The following CSMD1 variants were observed in gnomAD, a reference collection of about 807,000 sequenced individuals.
CSMD1 encodes the protein CUB and sushi domain-containing protein 1.
In CSMD1, 213 loss-of-function variants were observed where a neutral mutation model predicts 417.5. That is an observed-to-expected ratio of 0.51 (90% CI 0.46 to 0.57). The LOEUF (loss-of-function observed/expected upper bound fraction) is 0.57, where lower values mean the gene tolerates loss of function less well. CSMD1 is among the 20% of genes least tolerant of loss of function. The probability of loss-of-function intolerance (pLI) is 0.00; values close to 1 mark genes in which losing one functional copy is unlikely to be tolerated. For synonymous variants in CSMD1, 2,862 were observed against 1,736.8 expected, an observed-to-expected ratio of 1.65 and a Z score of -16.11; for missense variants, 6,923 against 4,529.7, an observed-to-expected ratio of 1.53 and a Z score of -15.17.
intron 5 of CSMD1, among the ~76,000 whole-genome samples, chr8:3,882,802 T>A (rs1806292562): frequency 6.6e-6 from 1 of 152,206 alleles, no homozygotes; most frequent in Non-Finnish European, 1.5e-5. Flanking sequence ...ACAGTGTCAT[T>A]TACAGAATGT....
At chr8:3,321,655 C>G (rs1468017681) in intron 23 of CSMD1, among the ~76,000 whole-genome samples, 3 of 152,232 alleles carry the variant, frequency 2.0e-5, no homozygotes, top group South Asian at 2.1e-4. Context: ...ATGCATATTA[C>G]TATATTTAAC....
At chr8:3,894,544 A>C (rs1807222893) in intron 5 of CSMD1, among the ~76,000 whole-genome samples, 2 of 152,208 alleles carry the variant, frequency 1.3e-5, no homozygotes, top group South Asian at 2.1e-4. Flanking sequence ...TAGATTCCTC[A>C]AAAGTGTACC....
At chr8:4,941,819 G>C (rs938398347) in intron 1 of CSMD1, among the ~76,000 whole-genome samples, 1 of 152,068 alleles carries the variant, frequency 6.6e-6, no homozygotes, top group African/African-American at 2.4e-5. Flanking sequence ...GGATGGTCTT[G>C]AACTCCTGAG....
At chr8:3,111,399 T>C (rs1816507998) in intron 42 of CSMD1, among the ~76,000 whole-genome samples, 1 of 152,212 alleles carries the variant, frequency 6.6e-6, no homozygotes, top group African/African-American at 2.4e-5. Context: ...TTTTACTGCG[T>C]AATTATTACT....
At chr8:4,211,946 T>C (rs1402534083) in intron 3 of CSMD1, among the ~76,000 whole-genome samples, 1 of 152,164 alleles carries the variant, frequency 6.6e-6, no homozygotes, top group Non-Finnish European at 1.5e-5. Flanking sequence ...TAAAGTCAAC[T>C]GTATTCCTAT....
intron 1 of CSMD1, among the ~76,000 whole-genome samples, chr8:4,662,911 G>C (rs1044665329): frequency 2.0e-5 from 3 of 152,132 alleles, no homozygotes; most frequent in African/African-American, 7.2e-5. Context: ...AAGACAAAAA[G>C]AGAGAAAGAA....
At chr8:3,213,964 C>G (rs10086516) in intron 30 of CSMD1, among the ~76,000 whole-genome samples, 50,674 of 151,364 alleles carry the variant, frequency 0.33, 8,634 homozygotes, top group African/African-American at 0.41. Flanking sequence ...TCCTGCCTCA[C>G]CCTACTGAGT....
chr8:3,953,085 G>A (rs1811698063), intron 5 of CSMD1, among the ~76,000 whole-genome samples: 1 of 151,800 alleles, frequency 6.6e-6, no homozygotes, highest in Non-Finnish European at 1.5e-5. Context: ...ATTTGTAAAG[G>A]AGAAGAAAAT....
chr8:4,591,263 G>T (rs7832831), intron 2 of CSMD1, among the ~76,000 whole-genome samples: 20,502 of 152,224 alleles, frequency 0.13, 1,673 homozygotes, highest in Middle Eastern at 0.22. Flanking sequence ...CCAGGAGGAA[G>T]AGCCAAATGT....
chr8:3,709,708 T>C (rs1361055146), intron 6 of CSMD1, among the ~76,000 whole-genome samples: 3 of 140,288 alleles, frequency 2.1e-5, no homozygotes, highest in Admixed American at 7.3e-5. Context: ...TTTTTTTTTT[T>C]TCCCTGCTTT....
chr8:3,900,369 G>A (rs539615268), intron 5 of CSMD1, among the ~76,000 whole-genome samples: 1 of 151,792 alleles, frequency 6.6e-6, no homozygotes, highest in African/African-American at 2.4e-5. Context: ...CAGCACAGCT[G>A]TGTGACAGTG....
intron 1 of CSMD1, among the ~76,000 whole-genome samples, chr8:4,701,304 C>A (rs1671339273): frequency 7.8e-6 from 1 of 128,750 alleles, no homozygotes; most frequent in Non-Finnish European, 1.6e-5. Context: ...TTTGAGCCAT[C>A]CTTCCTTTGA....
At chr8:4,071,688 G>T (rs1007039487) in intron 3 of CSMD1, among the ~76,000 whole-genome samples, 1 of 152,058 alleles carries the variant, frequency 6.6e-6, no homozygotes, top group Non-Finnish European at 1.5e-5. Context: ...TGTGAATTTG[G>T]TTTATTTTTG....
At chr8:4,454,136 G>T (rs117417264) in intron 2 of CSMD1, among the ~76,000 whole-genome samples, 1 of 151,890 alleles carries the variant, frequency 6.6e-6, no homozygotes, top group Non-Finnish European at 1.5e-5. Flanking sequence ...ATTCATTCTT[G>T]ATTCCTCCTA....
At chr8:3,015,301 GC>G (rs2128966203) in intron 52 of CSMD1, among the ~76,000 whole-genome samples, 1 of 152,248 alleles carries the variant, frequency 6.6e-6, no homozygotes, top group African/African-American at 2.4e-5. Flanking sequence ...TGGGACAGTT[GC>G]TTTGCTTGAA....
At chr8:4,304,413 G>A (rs1026351929) in intron 3 of CSMD1, among the ~76,000 whole-genome samples, 8 of 152,072 alleles carry the variant, frequency 5.3e-5, no homozygotes, top group East Asian at 1.9e-4. Context: ...ATCTAAGAGC[G>A]ACAGAAGGTG....
chr8:4,007,853 A>G (rs1816246467), intron 4 of CSMD1, among the ~76,000 whole-genome samples: 1 of 152,192 alleles, frequency 6.6e-6, no homozygotes, highest in Non-Finnish European at 1.5e-5. Context: ...ATAGAAGAAG[A>G]AAAGTTTATT....
chr8:4,794,618 T>C (rs1426606523), intron 1 of CSMD1, among the ~76,000 whole-genome samples: 1 of 152,136 alleles, frequency 6.6e-6, no homozygotes, highest in East Asian at 1.9e-4. Context: ...GCAAGGCTGA[T>C]GTGCTCCATA....
chr8:3,859,593 A>C (rs1457453535), intron 5 of CSMD1, among the ~76,000 whole-genome samples: 1 of 152,112 alleles, frequency 6.6e-6, no homozygotes, highest in Non-Finnish European at 1.5e-5. Context: ...TGCCAGAAAG[A>C]CCAACCATGT....
Sources: gnomAD v4.1 joint callset for allele counts (sites outside exome capture counted in the v4.1 genomes callset) on GRCh38, gnomAD v4.1.1 for gene constraint, MANE v1.5 for transcripts, NCBI Gene and HGNC (gene_info 2026-07-23, HGNC 2026-07-21) for gene names.